PTPRD: variants seen among roughly 807,000 people sequenced by gnomAD.
PTPRD encodes protein tyrosine phosphatase receptor type D.
Under a neutral mutation model 214.5 loss-of-function variants are expected in PTPRD, and 34 were observed. That is an observed-to-expected ratio of 0.16 (90% CI 0.12 to 0.21). The LOEUF (loss-of-function observed/expected upper bound fraction) is 0.21, where lower values mean the gene tolerates loss of function less well. Ranked by LOEUF, PTPRD falls within the 10% of genes least tolerant of loss-of-function variation. The probability of loss-of-function intolerance (pLI) is 1.00; values close to 1 mark genes in which losing one functional copy is unlikely to be tolerated. For synonymous variants in PTPRD, 1,128 were observed against 845.7 expected (o/e 1.33, Z -5.79); for missense variants, 2,545 against 2,398.7 (o/e 1.06, Z -1.27).
chr9:9,223,207 G>T (rs529362383), intron 9 of PTPRD, among the ~76,000 whole-genome samples: 78 of 152,104 alleles, frequency 5.1e-4, no homozygotes, highest in African/African-American at 1.8e-3. Context: ...GAGGAATAGA[G>T]CTGTGTGGGG....
intron 3 of PTPRD, among the ~76,000 whole-genome samples, chr9:10,207,544 ATAT>A (rs1481509060): frequency 4.6e-5 from 7 of 152,194 alleles, no homozygotes; most frequent in African/African-American, 9.6e-5. Context: ...ACTAATAAAA[ATAT>A]TATTATGTAA....
At chr9:10,221,164 A>G (rs1160113656) in intron 3 of PTPRD, among the ~76,000 whole-genome samples, 1 of 152,026 alleles carries the variant, frequency 6.6e-6, no homozygotes, top group African/African-American at 2.4e-5. Context: ...TATAAAGAAC[A>G]TAAACATGGA....
rs754006361 is a variant in PTPRD at position 8,317,270 on chromosome 9, CTT to C, written c.*602_*603del. The C allele has an allele frequency of 8.6e-6, 2 of 232,070 alleles. No individual in the cohort carries two copies. Among genetic ancestry groups the C allele is most frequent in the Non-Finnish European group, 1.7e-5 (2 of 117,120 alleles). 14.4% of individuals were successfully genotyped at this position (232,070 alleles called of 1,614,324 possible). On this transcript the variant is annotated 3_prime_UTR_variant, in exon 46 of 46. Coordinates refer to ENST00000381196, the MANE Select transcript of PTPRD (RefSeq NM_002839.4). ...AATAAAAAAATGAAGAGTTATGTAACTTTTTTAAAATTCACTTTATCGAATGA... is the reference window on the plus strand; with the variant it reads ...AATAAAAAAATGAAGAGTTATGTAACTTTTAAAATTCACTTTATCGAATGA...
At chr9:10,506,796 A>T (rs1315327093) in intron 2 of PTPRD, among the ~76,000 whole-genome samples, 1 of 152,072 alleles carries the variant, frequency 6.6e-6, no homozygotes, top group Admixed American at 6.6e-5. Flanking sequence ...TATTTTTGTA[A>T]CGTACTTCAA....
At chr9:8,468,817 A>AAAAT in intron 31 of PTPRD, among the ~76,000 whole-genome samples, 1 of 148,880 alleles carries the variant, frequency 6.7e-6, no homozygotes. Context: ...AAAAAAAAAA[A>AAAAT]CTCTCTGTAG....
chr9:10,595,717 C>T lies in PTPRD; in HGVS notation c.-600+16681G>A, dbSNP rs1458187485. Among the ~76,000 whole-genome samples, 8 of 151,436 alleles carry T rather than the reference C, an allele frequency of 5.3e-5. No individual in the cohort carries two copies. The East Asian group carries it at 1.6e-3, about 30-fold the overall frequency. The stretch of plus-strand genomic sequence containing the variant: ...TCAGTGATCTGCATTAGCTGTTTTC[C>T]AAAGCACATCTTAAAGTGGATTTTA... On this transcript the variant is annotated intron_variant, in intron 2 of 45. Transcript: ENST00000381196.
At chr9:10,437,249 A>G (rs921592389) in intron 2 of PTPRD, among the ~76,000 whole-genome samples, 3 of 151,876 alleles carry the variant, frequency 2.0e-5, no homozygotes, top group African/African-American at 7.2e-5. Flanking sequence ...AGAAAGCACT[A>G]TTTAGAAGTA....
At chr9:8,664,515 T>C (rs2097131765) in intron 12 of PTPRD, among the ~76,000 whole-genome samples, 1 of 152,110 alleles carries the variant, frequency 6.6e-6, no homozygotes, top group African/African-American at 2.4e-5. Context: ...AAACAAGCCT[T>C]TATATAGTAC....
intron 5 of PTPRD, among the ~76,000 whole-genome samples, chr9:9,806,042 T>C (rs1338476214): frequency 6.6e-6 from 1 of 152,088 alleles, no homozygotes. Context: ...CCATTACATA[T>C]AAAGGATTAC....
intron 2 of PTPRD, among the ~76,000 whole-genome samples, chr9:10,457,383 C>T (rs546658018): frequency 1.6e-3 from 242 of 152,034 alleles, no homozygotes; most frequent in African/African-American, 5.2e-3. Context: ...TTTTCCTGCT[C>T]ATGACTTTAT....
intron 3 of PTPRD, among the ~76,000 whole-genome samples, chr9:10,062,862 G>A (rs1419464836): frequency 1.3e-5 from 2 of 151,954 alleles, no homozygotes; most frequent in African/African-American, 2.4e-5. Flanking sequence ...TTTTAAGCCT[G>A]TGACTCAGTC....
intron 9 of PTPRD, among the ~76,000 whole-genome samples, chr9:9,223,717 T>A (rs2099957623): frequency 6.6e-6 from 1 of 151,970 alleles, no homozygotes; most frequent in African/African-American, 2.4e-5. Flanking sequence ...CAACACATTA[T>A]CAGGCAAAGT....
chr9:10,575,482 G>C (rs1043944083), intron 2 of PTPRD, among the ~76,000 whole-genome samples: 2 of 152,120 alleles, frequency 1.3e-5, no homozygotes, highest in African/African-American at 4.8e-5. Flanking sequence ...CAGTGTCTTT[G>C]TTTATGATCT....
At chr9:9,763,316 C>T (rs1293447053) in intron 6 of PTPRD, among the ~76,000 whole-genome samples, 3 of 152,080 alleles carry the variant, frequency 2.0e-5, no homozygotes, top group East Asian at 1.9e-4. Flanking sequence ...TAAGCATTTT[C>T]CTGAACCCTG....
intron 8 of PTPRD, among the ~76,000 whole-genome samples, chr9:9,510,928 A>C (rs973507643): frequency 6.6e-6 from 1 of 151,660 alleles, no homozygotes; most frequent in Admixed American, 6.6e-5. Flanking sequence ...TCTCCATTTA[A>C]TTTTTCTAAT....
At chr9:10,276,698 A>G (rs1245319261) in intron 3 of PTPRD, among the ~76,000 whole-genome samples, 2 of 152,220 alleles carry the variant, frequency 1.3e-5, no homozygotes, top group Non-Finnish European at 1.5e-5. Flanking sequence ...TAGAAAGTAA[A>G]TTATTCTTAT....
chr9:10,477,533 G>A (rs954573108), intron 2 of PTPRD, among the ~76,000 whole-genome samples: 5 of 152,148 alleles, frequency 3.3e-5, no homozygotes, highest in African/African-American at 1.2e-4. Flanking sequence ...ACTGTTGGCG[G>A]GAGAGTAAAT....
chr9:9,630,046 A>G (rs756093489), intron 7 of PTPRD, among the ~76,000 whole-genome samples: 7 of 152,102 alleles, frequency 4.6e-5, no homozygotes, highest in Non-Finnish European at 1.0e-4. Flanking sequence ...TCTGAGAGTT[A>G]CTCTAGGAGG....
At chr9:10,259,544 G>A (rs1226888113) in intron 3 of PTPRD, among the ~76,000 whole-genome samples, 2 of 152,084 alleles carry the variant, frequency 1.3e-5, no homozygotes, top group African/African-American at 4.8e-5. Flanking sequence ...ATCAGCCCAA[G>A]ACAGTTCCTG....
Sources: gnomAD v4.1 joint callset for allele counts (sites outside exome capture counted in the v4.1 genomes callset) on GRCh38, gnomAD v4.1.1 for gene constraint, MANE v1.5 for transcripts, NCBI Gene and HGNC (gene_info 2026-07-23, HGNC 2026-07-21) for gene names.